The following PRELID2 variants were observed in gnomAD, a reference collection of about 807,000 sequenced individuals.
PRELID2 encodes the protein PRELI domain containing 2.
PRELID2 carries 25 observed loss-of-function variants against 28.4 expected under a neutral mutation model. The ratio of observed to expected loss-of-function variants is 0.88; its 90% CI spans 0.64 to 1.23. The LOEUF is 1.23. PRELID2 is among the 50% of genes most tolerant of loss of function. PRELID2 has a pLI of 0.00. For missense variants in PRELID2, 201 were observed against 214.4 expected (o/e 0.94, Z 0.39); for synonymous variants, 76 against 71.6 (o/e 1.06, Z -0.31).
At chr5:145,747,501 C>G (rs958369174) in intron 1 of PRELID2, among the ~76,000 whole-genome samples, 1 of 152,046 alleles carries the variant, frequency 6.6e-6, no homozygotes, top group Non-Finnish European at 1.5e-5. Context: ...CTGAATAGAC[C>G]AATAACAAGT....
At chr5:145,673,650 T>G (rs1754755829) in intron 1 of PRELID2, among the ~76,000 whole-genome samples, 1 of 151,848 alleles carries the variant, frequency 6.6e-6, no homozygotes, top group African/African-American at 2.4e-5. Flanking sequence ...ATAAAAAAAA[T>G]TTTTGATTTG....
At chr5:145,697,137 T>C (rs1374790946) in intron 1 of PRELID2, among the ~76,000 whole-genome samples, 2 of 138,440 alleles carry the variant, frequency 1.4e-5, no homozygotes, top group East Asian at 2.2e-4. Context: ...TACACACACA[T>C]AGGCACACAT....
At chr5:145,685,768 G>A (rs1755026301) in intron 1 of PRELID2, among the ~76,000 whole-genome samples, 2 of 152,166 alleles carry the variant, frequency 1.3e-5, no homozygotes, top group East Asian at 3.9e-4. Context: ...GAGGTAGAAA[G>A]CCGCTGACCC....
At chr5:145,457,835 G>C in the PRELID2 span, among the ~76,000 whole-genome samples, 1 of 152,152 alleles carries the variant, frequency 6.6e-6, no homozygotes, top group East Asian at 1.9e-4. Context: ...TTACATATTT[G>C]TAAAAGCTGC....
At chr5:145,412,391 C>G in the PRELID2 span, among the ~76,000 whole-genome samples, 221 of 152,298 alleles carry the variant, frequency 1.5e-3, no homozygotes, top group African/African-American at 5.2e-3. Flanking sequence ...TGCCACCAGT[C>G]TCTTTGCATA....
intron 1 of PRELID2, among the ~76,000 whole-genome samples, chr5:145,592,516 A>G (rs932893161): frequency 6.6e-6 from 1 of 152,062 alleles, no homozygotes; most frequent in Non-Finnish European, 1.5e-5. Context: ...TGATGACCAC[A>G]GCAGAATAGA....
At chr5:145,723,148 C>G (rs1756038024) in intron 1 of PRELID2, among the ~76,000 whole-genome samples, 1 of 152,000 alleles carries the variant, frequency 6.6e-6, no homozygotes, top group Non-Finnish European at 1.5e-5. Context: ...TAAATATTTA[C>G]AAGCAAATAG....
At chr5:145,568,685 C>T (rs944873433) in intron 1 of PRELID2, among the ~76,000 whole-genome samples, 3 of 152,206 alleles carry the variant, frequency 2.0e-5, no homozygotes, top group Non-Finnish European at 4.4e-5. Flanking sequence ...TCTTCTTCTC[C>T]CTGGCCTGCC....
chr5:145,414,088 G>A, the PRELID2 span, among the ~76,000 whole-genome samples: 1 of 152,076 alleles, frequency 6.6e-6, no homozygotes, highest in Non-Finnish European at 1.5e-5. Context: ...TGCCCCTACT[G>A]TTATCTGACC....
chr5:145,804,402 C>T (rs919899651), intron 4 of PRELID2, among the ~76,000 whole-genome samples: 3 of 151,836 alleles, frequency 2.0e-5, no homozygotes, highest in Admixed American at 2.0e-4. Context: ...CCCAGCTACT[C>T]GGGAGGCTGA....
chr5:145,344,528 T>A, the PRELID2 span, among the ~76,000 whole-genome samples: 1 of 152,126 alleles, frequency 6.6e-6, no homozygotes, highest in Non-Finnish European at 1.5e-5. Context: ...CATGCTTTAG[T>A]AAATATTTTG....
At chr5:145,767,000 C>T (rs1757801545) in intron 5 of PRELID2, among the ~76,000 whole-genome samples, 1 of 152,108 alleles carries the variant, frequency 6.6e-6, no homozygotes, top group Non-Finnish European at 1.5e-5. Context: ...CAGGAAAATA[C>T]TGGGTAGAAA....
At chr5:145,491,567 C>T (rs1262074532) in intron 1 of PRELID2, among the ~76,000 whole-genome samples, 1 of 150,348 alleles carries the variant, frequency 6.7e-6, no homozygotes, top group African/African-American at 2.4e-5. Context: ...AACATACACT[C>T]TCTTAGTGCT....
At chr5:145,341,592 G>T in the PRELID2 span, among the ~76,000 whole-genome samples, 1 of 151,698 alleles carries the variant, frequency 6.6e-6, no homozygotes, top group African/African-American at 2.4e-5. Context: ...ATAAATTCTG[G>T]CACTGAATAA....
chr5:145,569,397 A>C (rs1397773096), intron 1 of PRELID2, among the ~76,000 whole-genome samples: 1 of 152,188 alleles, frequency 6.6e-6, no homozygotes, highest in East Asian at 1.9e-4. Context: ...AATATAACAT[A>C]ATTATGTTGC....
the PRELID2 span, among the ~76,000 whole-genome samples, chr5:145,459,766 G>T: frequency 6.6e-6 from 1 of 151,122 alleles, no homozygotes; most frequent in Non-Finnish European, 1.5e-5. Flanking sequence ...ATTATCTATA[G>T]TTTCCTAAAT....
intron 1 of PRELID2, among the ~76,000 whole-genome samples, chr5:145,651,757 G>T (rs922089588): frequency 6.6e-6 from 1 of 152,112 alleles, no homozygotes; most frequent in South Asian, 2.1e-4. Flanking sequence ...CCATCTGCAC[G>T]TCACCATCAT....
chr5:145,415,962 T>A, the PRELID2 span, among the ~76,000 whole-genome samples: 1 of 152,142 alleles, frequency 6.6e-6, no homozygotes, highest in Non-Finnish European at 1.5e-5. Context: ...GACTTTTTAA[T>A]GATTGCCATT....
intron 1 of PRELID2, among the ~76,000 whole-genome samples, chr5:145,599,654 CG>C (rs986713128): frequency 9.9e-5 from 15 of 152,146 alleles, no homozygotes; most frequent in African/African-American, 3.6e-4. Context: ...TAATGACCTC[CG>C]TAGCATTTGA....
Sources: gnomAD v4.1 joint callset for allele counts (sites outside exome capture counted in the v4.1 genomes callset) on GRCh38, gnomAD v4.1.1 for gene constraint, MANE v1.5 for transcripts, NCBI Gene and HGNC (gene_info 2026-07-23, HGNC 2026-07-21) for gene names.